Variants in SNX30 observed in about 807,000 individuals in gnomAD.
The protein encoded by SNX30 is sorting nexin-30.
In SNX30, 24 loss-of-function variants were observed where a neutral mutation model predicts 46.4. The observed-to-expected ratio is 0.52, with a 90% confidence interval of 0.37 to 0.73. The LOEUF (loss-of-function observed/expected upper bound fraction) is 0.73. Among genes scored for constraint, SNX30 ranks in the 30% least tolerant of loss-of-function variants. The pLI, the probability that SNX30 is intolerant of heterozygous loss-of-function variation, is 0.00. For synonymous variants in SNX30, 189 were observed against 211.5 expected (o/e 0.89, Z 0.92); for missense variants, 533 against 555.7 (o/e 0.96, Z 0.41).
chr9:112,856,996 C>T (rs1188237996), intron 7 of SNX30, among the ~76,000 whole-genome samples: 2 of 152,176 alleles, frequency 1.3e-5, no homozygotes, highest in East Asian at 3.8e-4. Flanking sequence ...AATGGTGGAG[C>T]CGGTATGGAG....
downstream of SNX30, chr9:112,879,808 T>C (rs1017761303): frequency 6.2e-7 from 1 of 1,613,202 alleles, no homozygotes; most frequent in African/African-American, 1.3e-5. Flanking sequence ...GACTTGTTTA[T>C]AGGCCACGAT....
chr9:112,843,586 G>A (rs1225542939), intron 6 of SNX30, among the ~76,000 whole-genome samples: 6 of 150,598 alleles, frequency 4.0e-5, no homozygotes, highest in African/African-American at 9.8e-5. Flanking sequence ...AGTGGTAAGC[G>A]GTGAGGTCAA....
intron 1 of SNX30, among the ~76,000 whole-genome samples, chr9:112,804,348 A>G (rs2096186): frequency 0.81 from 122,940 of 152,044 alleles, 49,694 homozygotes; most frequent in South Asian, 0.87. Context: ...TATATTTAGT[A>G]GAGACGGGGT....
At chr9:112,777,438 T>G (rs1454810930) in intron 1 of SNX30, among the ~76,000 whole-genome samples, 1 of 151,588 alleles carries the variant, frequency 6.6e-6, no homozygotes, top group Non-Finnish European at 1.5e-5. Flanking sequence ...ATTTATTTAT[T>G]TATTTAGAGA....
At chr9:112,878,622 G>A (rs1438332285), downstream of SNX30, 1 of 152,194 alleles carries the variant, frequency 6.6e-6, no homozygotes, top group Non-Finnish European at 1.5e-5. Context: ...CTTCCCAGTG[G>A]AAGGAGACAT....
chr9:112,855,659 G>A lies in SNX30; in HGVS notation c.1101+4714G>A, dbSNP rs115982520. 8.0e-3 allele frequency among the ~76,000 whole-genome samples: 1,220 copies of A among 152,244 alleles called. 16 individuals carry two copies. Among genetic ancestry groups the A allele is most frequent in the African/African-American group, 0.025 (1,042 of 41,526 alleles). ...GGATGCGGAGGCCTCTGGAGCTGGG[G>A]AAGAATGGTGGTGTCCTAGAATGCA... On this transcript the variant is annotated intron_variant, in intron 7 of 8. Transcript: ENST00000374232.
At chr9:112,851,556 C>T (rs1006957182) in intron 7 of SNX30, among the ~76,000 whole-genome samples, 1 of 152,174 alleles carries the variant, frequency 6.6e-6, no homozygotes, top group African/African-American at 2.4e-5. Context: ...GTCTAGGATG[C>T]CTTCTGGCTC....
intron 1 of SNX30, among the ~76,000 whole-genome samples, chr9:112,766,755 C>T (rs1435860268): frequency 1.3e-5 from 2 of 152,160 alleles, no homozygotes; most frequent in Non-Finnish European, 2.9e-5. Flanking sequence ...GCATAACATC[C>T]TTAAGGCTCA....
chr9:112,864,152 G>A, intron 7 of SNX30, 95 bp from the exon 8 acceptor site: 1 of 1,306,532 alleles, frequency 7.7e-7, no homozygotes, highest in Non-Finnish European at 1.1e-6. Context: ...TTTAATGTAG[G>A]GCTTTGGCCT....
intron 1 of SNX30, among the ~76,000 whole-genome samples, chr9:112,782,859 A>G (rs534503782): frequency 7.9e-5 from 12 of 152,316 alleles, no homozygotes; most frequent in African/African-American, 2.6e-4. Flanking sequence ...GACCACTCAC[A>G]TTTATTTCTA....
chr9:112,757,461 T>C (rs761818009), intron 1 of SNX30, among the ~76,000 whole-genome samples: 1 of 152,210 alleles, frequency 6.6e-6, no homozygotes, highest in Non-Finnish European at 1.5e-5. Flanking sequence ...GCAGTGAATG[T>C]GGGAGTGCAG....
At position 112,836,228 on chromosome 9, in the gene SNX30, C is replaced by T; in HGVS notation, c.633C>T (p.Tyr211=). The change falls in exon 5 of 9, where the codon TAC becomes TAT. Residue 211 remains tyrosine (Y), a synonymous_variant. Transcript: ENST00000374232. ...IFLTAKDLNA[Y]KKQGIALLTR... ...ATCATCCTCAGGACCTGAACGCCTA[C>T]AAGAAGCAAGGGATAGCATTGCTGA... 1 of 1,593,486 alleles carries T rather than the reference C, an allele frequency of 6.3e-7. No homozygotes were observed. Among genetic ancestry groups the T allele is most frequent in the Non-Finnish European group, 8.6e-7 (1 of 1,162,572 alleles).
At chr9:112,794,494 G>T (rs566627807) in intron 1 of SNX30, among the ~76,000 whole-genome samples, 2 of 152,186 alleles carry the variant, frequency 1.3e-5, no homozygotes, top group East Asian at 3.9e-4. Context: ...CACGAGGGGG[G>T]TAAATTAAGA....
At chr9:112,830,411 C>T (rs1296787153) in intron 3 of SNX30, among the ~76,000 whole-genome samples, 1 of 151,700 alleles carries the variant, frequency 6.6e-6, no homozygotes, top group Admixed American at 6.6e-5. Flanking sequence ...TTTCTTCTTG[C>T]CATAACTTTT....
Position 112,850,907 on chromosome 9 carries a change from C to T in SNX30, c.1063C>T (p.Leu355=). Residue 355 remains leucine, a synonymous_variant, in exon 7 of 9, where the codon CTG becomes TTG. Transcript: ENST00000374232. ...AGTTCAAGCAGAGTATGAAGCCAAA[C>T]TGGAAGCTGTGGCTCTGCGGAAGGA... The part of the protein sequence containing the change: ...DQVQAEYEAK[L]EAVALRKEDR... 2 of 1,614,034 alleles carry T rather than the reference C, an allele frequency of 1.2e-6. No individual in the cohort carries two copies. The highest frequency in any genetic ancestry group is 1.7e-6 in the Non-Finnish European group (2 of 1,179,990).
chr9:112,758,265 C>G (rs1278717370), intron 1 of SNX30, among the ~76,000 whole-genome samples: 3 of 152,182 alleles, frequency 2.0e-5, no homozygotes, highest in Non-Finnish European at 2.9e-5. Flanking sequence ...TGACTTACCC[C>G]TGTATCTTTG....
intron 1 of SNX30, among the ~76,000 whole-genome samples, chr9:112,773,341 GTCATAAC>G (rs1839683379): frequency 6.6e-6 from 1 of 151,998 alleles, no homozygotes; most frequent in African/African-American, 2.4e-5. Flanking sequence ...ATAACTGATA[GTCATAAC>G]TCATATGAAC....
intron 1 of SNX30, 123 bp downstream of exon 1, chr9:112,751,280 C>A: frequency 8.4e-7 from 1 of 1,184,074 alleles, no homozygotes; most frequent in Non-Finnish European, 1.1e-6. Context: ...GGGGGACGGG[C>A]GTGTCCTGGC....
chr9:112,768,847 G>C (rs1839597019), intron 1 of SNX30, among the ~76,000 whole-genome samples: 1 of 151,736 alleles, frequency 6.6e-6, no homozygotes, highest in Non-Finnish European at 1.5e-5. Context: ...TAGTAGAGAT[G>C]GGTTTCACCA....
Sources: allele counts gnomAD v4.1 joint callset (sites outside exome capture counted in the v4.1 genomes callset), GRCh38; gene constraint gnomAD v4.1.1; transcripts MANE v1.5; gene names NCBI Gene and HGNC (gene_info 2026-07-23, HGNC 2026-07-21).